The following FREM1 variants were observed in gnomAD, a reference collection of about 807,000 sequenced individuals.
FREM1 encodes FRAS1 related extracellular matrix 1, also known as FRAS1-related extracellular matrix protein 1.
A neutral mutation model predicts 210.1 loss-of-function variants in FREM1; 220 were observed. The observed-to-expected ratio is 1.05, with a 90% CI of 0.94 to 1.17. The LOEUF (loss-of-function observed/expected upper bound fraction) is 1.17, where lower values mean the gene tolerates loss of function less well. FREM1 is among the 50% of genes most tolerant of loss of function. FREM1 has a pLI of 0.00. For synonymous variants in FREM1, 1,189 were observed against 980.2 expected (o/e 1.21, Z -3.98); for missense variants, 3,454 against 2,675.5 (o/e 1.29, Z -6.42).
At chr9:14,759,573 T>C (rs961175479) in intron 28 of FREM1, among the ~76,000 whole-genome samples, 199 bp downstream of exon 28, 1 of 121,316 alleles carries the variant, frequency 8.2e-6, no homozygotes, top group Non-Finnish European at 1.8e-5. Flanking sequence ...CACTAAAAAA[T>C]CATATCTCAG....
At chr9:14,859,546 T>A in intron 3 of FREM1, 62 bp from the exon 4 acceptor site, 1 of 1,387,636 alleles carries the variant, frequency 7.2e-7, no homozygotes, top group Non-Finnish European at 9.8e-7. Flanking sequence ...GATACCCATG[T>A]ACTCAGCTGG....
At chr9:14,819,536 C>A in intron 13 of FREM1, 94 bp from the exon 14 acceptor site, 1 of 665,800 alleles carries the variant, frequency 1.5e-6, no homozygotes, top group Non-Finnish European at 2.5e-6. Flanking sequence ...CCAGTATTAT[C>A]TTCACATGCA....
In FREM1 at chr9:14,808,031, A is replaced by C. The variant is rs1378254075; in HGVS notation, c.2997T>G (p.Asn999Lys). ...FVNGCCYNGP[N>K]PSVPLHASFP... is the part of the protein sequence containing the mutation. Reference sequence around the variant, plus strand: ...AGGACGCATGAAGTGGAACAGATGGATTGGGTCCATTGTAGCAACAGCCAT... The same window carrying C: ...AGGACGCATGAAGTGGAACAGATGGCTTGGGTCCATTGTAGCAACAGCCAT... Residue 999 changes from asparagine to lysine, a missense_variant, in exon 17 of 37, where the codon AAT (asparagine) becomes AAG (lysine). Transcript: ENST00000380880. The C allele has an allele frequency of 1.9e-6, 3 of 1,613,612 alleles. No individual in the cohort carries two copies. The African/African-American group carries it at 4.0e-5, about 22-fold the overall frequency.
Position 14,808,073 on chromosome 9 carries a change from C to T in FREM1, c.2955G>A (p.Glu985=), listed in dbSNP as rs1818706880. ...DTITLVVSDG[E]AGPFVNGCCY... ...AACAGCCATTCACAAAAGGGCCAGC[C>T]TCTCCATCCGAAACCACCAATGTAA... The change falls in exon 17 of 37, where the codon GAG becomes GAA. Residue 985 remains glutamate (E), a synonymous_variant. Transcript: ENST00000380880. 2 of 1,613,464 alleles carry T rather than the reference C, an allele frequency of 1.2e-6. No individual in the cohort carries two copies. Among genetic ancestry groups the T allele is most frequent in the African/African-American group, 1.3e-5 (1 of 74,894 alleles).
chr9:14,851,506 G>A lies in FREM1; in HGVS notation c.930C>T (p.Phe310=). The part of the protein sequence containing the change: ...MAVFILEVDQ[F]ILTSLTTSVL... ...CTGATGTAGTCAAGGAGGTCAGGAT[G>A]AACTGATCCACTTCCAGAATAAACA... The change falls in exon 6 of 37, where the codon TTC becomes TTT. Residue 310 remains phenylalanine (F), a synonymous_variant. Coordinates refer to ENST00000380880, the MANE Select transcript of FREM1 (RefSeq NM_001379081.2). 3 of 1,613,904 alleles carry A rather than the reference G, an allele frequency of 1.9e-6. No individual in the cohort carries two copies. The highest frequency in any genetic ancestry group is 3.3e-4 in the Middle Eastern group (2 of 6,062).
In FREM1 at chr9:14,761,918, T is replaced by C. The variant is rs532867797; in HGVS notation, c.5205-2017A>G. Among the ~76,000 whole-genome samples the C allele has an allele frequency of 2.0e-4, 31 of 152,356 alleles. No homozygotes were observed. The South Asian group carries it at 6.2e-3, about 31-fold the overall frequency. On this transcript the variant is annotated intron_variant, in intron 27 of 36. Coordinates refer to ENST00000380880, the MANE Select transcript of FREM1 (RefSeq NM_001379081.2). ...TGCTGGCATCCCATGATAGTTGTTCTATTTTATTAGTTATTAATCTCTTAC... is the reference window on the plus strand; with the variant it reads ...TGCTGGCATCCCATGATAGTTGTTCCATTTTATTAGTTATTAATCTCTTAC...
At position 14,784,421 on chromosome 9, in the gene FREM1, G is replaced by C; in HGVS notation, c.4391C>G (p.Thr1464Arg). Residue 1464 changes from threonine (T) to arginine (R), a missense_variant, in exon 24 of 37, where the codon ACA becomes AGA. Coordinates refer to ENST00000380880, the MANE Select transcript of FREM1 (RefSeq NM_001379081.2). ...NFSQMDVVGQ[T>R]VCYVHKSKVT... ...CTTGCTCTTGTGTACATAGCAAACT[G>C]TCTGCCCCACTACATCCATTTGGCT... is the stretch of plus-strand genomic sequence containing the variant. 1 of 1,613,872 alleles carries C rather than the reference G, an allele frequency of 6.2e-7. No individual in the cohort carries two copies. Among genetic ancestry groups the C allele is most frequent in the Non-Finnish European group, 8.5e-7 (1 of 1,179,834 alleles).
At chr9:14,853,269 T>C (rs1291207651) in intron 5 of FREM1, among the ~76,000 whole-genome samples, 1 of 152,152 alleles carries the variant, frequency 6.6e-6, no homozygotes, top group Non-Finnish European at 1.5e-5. Flanking sequence ...AAGGGACATA[T>C]AAATGTTTCC....
intron 1 of FREM1, among the ~76,000 whole-genome samples, chr9:14,886,705 G>C (rs1835877624): frequency 6.6e-6 from 1 of 151,952 alleles, no homozygotes; most frequent in Non-Finnish European, 1.5e-5. Flanking sequence ...AGACCAGCCT[G>C]GGCAATATGG....
intron 16 of FREM1, among the ~76,000 whole-genome samples, chr9:14,810,469 G>C (rs1033235718): frequency 1.3e-5 from 2 of 152,024 alleles, no homozygotes; most frequent in Admixed American, 6.6e-5. Context: ...AAATTTGAGG[G>C]AAGACAGGGT....
Position 14,869,087 on chromosome 9 carries a change from G to C in FREM1, c.-110C>G. 1 of 673,806 alleles carries C rather than the reference G, an allele frequency of 1.5e-6. No individual in the cohort carries two copies. Among genetic ancestry groups the C allele is most frequent in the Middle Eastern group, 4.2e-4 (1 of 2,378 alleles). 41.7% of individuals were successfully genotyped at this position (673,806 alleles called of 1,614,324 possible). ...CTCATAGTCCAAGGGGCAGGGTGAG[G>C]GGTCCTGACAATGTGCCCCGAGATC... On this transcript the variant is annotated 5_prime_UTR_variant, in exon 2 of 37. Coordinates refer to ENST00000380880, the MANE Select transcript of FREM1 (RefSeq NM_001379081.2).
intron 1 of FREM1, among the ~76,000 whole-genome samples, chr9:14,877,830 C>G (rs557766464): frequency 6.6e-6 from 1 of 152,296 alleles, no homozygotes; most frequent in South Asian, 2.1e-4. Flanking sequence ...AAGCCATAAT[C>G]TGACCCCAGA....
In FREM1 at chr9:14,857,709, G is replaced by C. The variant is rs1588406105; in HGVS notation, c.672C>G (p.Thr224=). The C allele has an allele frequency of 6.2e-7, 1 of 1,612,932 alleles. No homozygotes were observed. The highest frequency in any genetic ancestry group is 8.5e-7 in the Non-Finnish European group (1 of 1,179,372). Residue 224 remains threonine, a synonymous_variant, in exon 5 of 37, where the codon ACC becomes ACG. Transcript: ENST00000380880. ...AKLKCPGGSC[T]PGLKKIGSLK... ...GGCTTCCTATTTTCTTTAATCCTGG[G>C]GTACAGCTCCCACCTGGACACTTCA...
Position 14,813,010 on chromosome 9 carries a change from T to A in FREM1, c.2695A>T (p.Met899Leu), listed in dbSNP as rs1169025145. The A allele has an allele frequency of 6.2e-7, 1 of 1,613,894 alleles. No individual in the cohort carries two copies. The highest frequency in any genetic ancestry group is 1.3e-5 in the African/African-American group (1 of 75,040). The change falls in exon 16 of 37, where the codon ATG becomes TTG. Residue 899 changes from methionine to leucine, a missense_variant. By Grantham distance (15) the Met-to-Leu change is conservative. Transcript: ENST00000380880. ...ACCTCTCCTCCCTCTGAGCAATTCATGACAGGCATGAGGTCAGCCTTTAAG... is the reference window on the plus strand; with the variant it reads ...ACCTCTCCTCCCTCTGAGCAATTCAAGACAGGCATGAGGTCAGCCTTTAAG... Reference protein sequence around the residue: ...PVLKADLMPVMNCSEGGEVVI... With the variant: ...PVLKADLMPVLNCSEGGEVVI...
At chr9:14,754,067 C>G (rs1843840938) in intron 29 of FREM1, among the ~76,000 whole-genome samples, 1 of 152,152 alleles carries the variant, frequency 6.6e-6, no homozygotes, top group Non-Finnish European at 1.5e-5. Flanking sequence ...GTGACACGTT[C>G]TAGTTCCTAT....
chr9:14,870,077 C>T (rs1249481189), intron 1 of FREM1, among the ~76,000 whole-genome samples: 1 of 152,132 alleles, frequency 6.6e-6, no homozygotes, highest in Non-Finnish European at 1.5e-5. Context: ...AAATATATCC[C>T]TAAATTCCCA....
chr9:14,859,305 T>A lies in FREM1; in HGVS notation c.509A>T (p.Glu170Val). The change falls in exon 4 of 37, where the codon GAA (glutamate) becomes GTA (valine). Residue 170 changes from glutamate (E) to valine (V), a missense_variant. Coordinates refer to ENST00000380880, the MANE Select transcript of FREM1 (RefSeq NM_001379081.2). ...RFDYDRMASLECTVSLDTART... is the reference protein window; with the variant it reads ...RFDYDRMASLVCTVSLDTART... Reference sequence around the variant, plus strand: ...CGCAGTGTCCAGGCTGACGGTACATTCCAGGCTAGCCATCCTATCATAATC... The same window carrying A: ...CGCAGTGTCCAGGCTGACGGTACATACCAGGCTAGCCATCCTATCATAATC... 6.2e-7 allele frequency: 1 copy of A among 1,613,874 alleles called. No homozygotes were observed. Among genetic ancestry groups the A allele is most frequent in the Non-Finnish European group, 8.5e-7 (1 of 1,179,870 alleles).
chr9:14,851,670 G>C, intron 5 of FREM1, 63 bp from the exon 6 acceptor site: 1 of 1,214,422 alleles, frequency 8.2e-7, no homozygotes, highest in Non-Finnish European at 1.2e-6. Flanking sequence ...ATCATACAGG[G>C]CTAATAGCAT....
At chr9:14,740,028 GT>G in intron 36 of FREM1, 120 bp downstream of exon 36, 4 of 535,788 alleles carry the variant, frequency 7.5e-6, no homozygotes, top group Non-Finnish European at 1.3e-5. Flanking sequence ...AGATCTATTG[GT>G]TGCCTATTAT....
Sources: allele counts gnomAD v4.1 joint callset (sites outside exome capture counted in the v4.1 genomes callset), GRCh38; gene constraint gnomAD v4.1.1; transcripts MANE v1.5; gene names NCBI Gene and HGNC (gene_info 2026-07-23, HGNC 2026-07-21).